LRIG1: variants seen among roughly 807,000 people sequenced by gnomAD.
LRIG1 encodes the protein leucine rich repeats and immunoglobulin like domains 1, also known as leucine-rich repeats and immunoglobulin-like domains protein 1.
Under a neutral mutation model 99.2 loss-of-function variants are expected in LRIG1, and 48 were observed. That is an observed-to-expected ratio of 0.48 (90% CI 0.38 to 0.62). The LOEUF (loss-of-function observed/expected upper bound fraction) is 0.62. Among genes scored for constraint, LRIG1 ranks in the 20% least tolerant of loss-of-function variants. The pLI is 0.00. For missense variants in LRIG1, 1,646 were observed against 1,434.4 expected, an observed-to-expected ratio of 1.15 and a Z score of -2.38; for synonymous variants, 772 against 596.1, an observed-to-expected ratio of 1.29 and a Z score of -4.30.
intron 3 of LRIG1, among the ~76,000 whole-genome samples, chr3:66,428,553 T>A (rs4856815): frequency 0.12 from 18,758 of 152,204 alleles, 2,228 homozygotes; most frequent in East Asian, 0.69. Flanking sequence ...CTTACGATAA[T>A]GCACTTGTGC....
intron 11 of LRIG1, among the ~76,000 whole-genome samples, chr3:66,395,699 G>A (rs1329305720): frequency 2.0e-5 from 3 of 152,190 alleles, no homozygotes; most frequent in Non-Finnish European, 4.4e-5. Context: ...GTGGCGGAAG[G>A]GCTGTAACGG....
intron 3 of LRIG1, among the ~76,000 whole-genome samples, chr3:66,431,162 T>G (rs184037847): frequency 7.9e-5 from 12 of 152,266 alleles, no homozygotes; most frequent in African/African-American, 2.9e-4. Flanking sequence ...CTGATTTCCC[T>G]TTGAGAAGAA....
At chr3:66,382,459 G>A (rs1233631974) in intron 15 of LRIG1, 61 bp from the exon 16 acceptor site, 97 of 1,594,666 alleles carry the variant, frequency 6.1e-5, no homozygotes, top group Non-Finnish European at 7.1e-5. Flanking sequence ...GCAGACACAC[G>A]TTCACTGTCA....
At chr3:66,496,040 G>T (rs1161636832) in intron 1 of LRIG1, among the ~76,000 whole-genome samples, 1 of 152,188 alleles carries the variant, frequency 6.6e-6, no homozygotes, top group Non-Finnish European at 1.5e-5. Context: ...GGGACATGAG[G>T]ACATCCACTA....
At chr3:66,436,050 T>G (rs1703346195) in intron 3 of LRIG1, among the ~76,000 whole-genome samples, 1 of 152,204 alleles carries the variant, frequency 6.6e-6, no homozygotes, top group Non-Finnish European at 1.5e-5. Flanking sequence ...ATGCATGAAC[T>G]GTTTAATTAC....
intron 9 of LRIG1, among the ~76,000 whole-genome samples, chr3:66,402,176 C>A (rs1402351577): frequency 2.0e-5 from 3 of 152,156 alleles, no homozygotes; most frequent in Admixed American, 2.0e-4. Context: ...AAGTCGCATA[C>A]CCAGGTCACT....
chr3:66,456,544 G>A (rs1369026044), intron 2 of LRIG1, among the ~76,000 whole-genome samples: 1 of 145,278 alleles, frequency 6.9e-6, no homozygotes, highest in East Asian at 2.0e-4. Flanking sequence ...CTGCACTCTA[G>A]CCTGGGCAAC....
chr3:66,428,191 A>G (rs1211428845), intron 3 of LRIG1, among the ~76,000 whole-genome samples: 2 of 152,178 alleles, frequency 1.3e-5, no homozygotes, highest in Non-Finnish European at 2.9e-5. Flanking sequence ...CAGGTCATTG[A>G]GCTTGCATAT....
chr3:66,471,259 T>C (rs901226556), intron 1 of LRIG1, among the ~76,000 whole-genome samples: 1 of 152,204 alleles, frequency 6.6e-6, no homozygotes, highest in Non-Finnish European at 1.5e-5. Context: ...AGTCTGGTCA[T>C]TCAGGATCGC....
chr3:66,461,524 A>G (rs1362790613), intron 2 of LRIG1, among the ~76,000 whole-genome samples: 1 of 152,238 alleles, frequency 6.6e-6, no homozygotes, highest in East Asian at 1.9e-4. Context: ...TTATGTAAGG[A>G]TAAGTAGGAA....
rs766567933 is a variant in LRIG1, at chr3:66,451,566, G to A, written c.358C>T (p.Leu120Phe). 6.2e-7 allele frequency: 1 copy of A among 1,614,066 alleles called. No homozygotes were observed. The highest frequency in any genetic ancestry group is 8.5e-7 in the Non-Finnish European group (1 of 1,179,962). The part of the protein sequence containing the change: ...LGAASSHVVS[L>F]FLQHNKIRSV... ...CCAAACGGCACCACTTACAGAAAGAGAGAGACGACATGTGATGAAGCAGCG... is the reference window on the plus strand; with the variant it reads ...CCAAACGGCACCACTTACAGAAAGAAAGAGACGACATGTGATGAAGCAGCG... Residue 120 changes from leucine to phenylalanine, a missense_variant, in exon 3 of 19, where the codon CTC becomes TTC. Leu to Phe is a conservative substitution (Grantham distance 22). Coordinates refer to ENST00000273261, the MANE Select transcript of LRIG1 (RefSeq NM_015541.3).
rs192137654 is a variant in LRIG1, at chr3:66,455,820, C to T, written c.291-4187G>A. ...ATTGATGTGGTGAGACTTTATGATA[C>T]GTGGTTTCTACACAAGATAGCCAGA... is the stretch of plus-strand genomic sequence containing the variant. On this transcript the variant is annotated intron_variant, in intron 2 of 18. Coordinates refer to ENST00000273261, the MANE Select transcript of LRIG1 (RefSeq NM_015541.3). 4.6e-3 allele frequency among the ~76,000 whole-genome samples: 705 copies of T among 152,182 alleles called. 11 individuals are homozygous for T. Among genetic ancestry groups the T allele is most frequent in the African/African-American group, 0.012 (509 of 41,514 alleles).
chr3:66,485,093 G>C (rs1374789074), intron 1 of LRIG1, among the ~76,000 whole-genome samples: 1 of 150,668 alleles, frequency 6.6e-6, no homozygotes, highest in African/African-American at 2.4e-5. Context: ...GTGAGGCAAA[G>C]GTTGCAGTGA....
At chr3:66,410,439 G>T (rs776668018) in intron 6 of LRIG1, among the ~76,000 whole-genome samples, 167 bp from the exon 7 acceptor site, 5 of 152,362 alleles carry the variant, frequency 3.3e-5, no homozygotes, top group Non-Finnish European at 5.9e-5. Context: ...GTGAGTAGGG[G>T]CTGGGAGAAG....
chr3:66,409,318 TTC>T (rs1227687187), intron 7 of LRIG1, among the ~76,000 whole-genome samples: 1 of 152,188 alleles, frequency 6.6e-6, no homozygotes, highest in Admixed American at 6.5e-5. Flanking sequence ...TGTAAAGATG[TTC>T]TCTGAGTCCT....
intron 1 of LRIG1, among the ~76,000 whole-genome samples, chr3:66,479,242 C>T (rs973810811): frequency 7.9e-5 from 12 of 152,246 alleles, no homozygotes; most frequent in South Asian, 2.1e-4. Context: ...AGAAAACGGT[C>T]AGGCTCTTCC....
At chr3:66,431,231 G>GC (rs1703162501) in intron 3 of LRIG1, among the ~76,000 whole-genome samples, 1 of 152,206 alleles carries the variant, frequency 6.6e-6, no homozygotes, top group Non-Finnish European at 1.5e-5. Context: ...GTTCAGCTCT[G>GC]CCCCTTGAGG....
chr3:66,479,195 G>A (rs1700793586), intron 1 of LRIG1, among the ~76,000 whole-genome samples: 1 of 152,232 alleles, frequency 6.6e-6, no homozygotes, highest in African/African-American at 2.4e-5. Context: ...AGCTCCGTCG[G>A]CAAAGGCAGA....
chr3:66,400,448 G>C (rs1702010777), intron 9 of LRIG1, among the ~76,000 whole-genome samples: 1 of 152,232 alleles, frequency 6.6e-6, no homozygotes, highest in African/African-American at 2.4e-5. Context: ...AGGTACACCA[G>C]GATCTAACAG....
Sources: gnomAD v4.1 joint callset for allele counts (sites outside exome capture counted in the v4.1 genomes callset) on GRCh38, gnomAD v4.1.1 for gene constraint, MANE v1.5 for transcripts, NCBI Gene and HGNC (gene_info 2026-07-23, HGNC 2026-07-21) for gene names.